Variants in GREM2 observed in about 807,000 individuals in gnomAD.
The protein encoded by GREM2 is gremlin 2, DAN family BMP antagonist, also known as gremlin-2.
Under a neutral mutation model 14.2 loss-of-function variants are expected in GREM2, and 11 were observed. That is an observed-to-expected ratio of 0.78 (90% confidence interval 0.49 to 1.28). GREM2 has a LOEUF of 1.28. Among genes scored for constraint, GREM2 ranks in the 50% most tolerant of loss-of-function variants. The pLI, the probability that GREM2 is intolerant of heterozygous loss-of-function variation, is 0.00. For missense variants in GREM2, 210 were observed against 218.5 expected (o/e 0.96, Z 0.24); for synonymous variants, 98 against 97.6 (o/e 1.00, Z -0.02).
intron 1 of GREM2, among the ~76,000 whole-genome samples, chr1:240,558,833 A>C (rs2103347374): frequency 6.6e-6 from 1 of 152,186 alleles, no homozygotes; most frequent in South Asian, 2.1e-4. Flanking sequence ...ATGATAATAA[A>C]CTCATTACCT....
chr1:240,609,355 G>T (rs372432268), intron 1 of GREM2, among the ~76,000 whole-genome samples: 1 of 151,988 alleles, frequency 6.6e-6, no homozygotes, highest in African/African-American at 2.4e-5. Context: ...CAAGTCATTG[G>T]TCAGTGTTGA....
intron 1 of GREM2, among the ~76,000 whole-genome samples, chr1:240,510,099 G>A (rs1677772178): frequency 6.6e-6 from 1 of 152,136 alleles, no homozygotes; most frequent in African/African-American, 2.4e-5. Flanking sequence ...GCCGGGTGCG[G>A]TGGCTCACGC....
chr1:240,531,591 G>A lies in GREM2; in HGVS notation c.-1-38115C>T, dbSNP rs186784427. 3.8e-4 allele frequency: 357 copies of A among 935,336 alleles called. 2 individuals are homozygous for A. In the African/African-American group the frequency reaches 5.5e-3, roughly 14 times the overall value. The allele number at this position is 935,336 out of a possible 1,614,324, so 57.9% of individuals were successfully genotyped here. On this transcript the variant is annotated intron_variant, in intron 1 of 1. Transcript: ENST00000318160. ...GGAAATTAGGGAACAGAATAGTGGAGTTGGTGTGTGGTTATGTGGCGAGGC... is the reference window on the plus strand; with the variant it reads ...GGAAATTAGGGAACAGAATAGTGGAATTGGTGTGTGGTTATGTGGCGAGGC...
intron 1 of GREM2, among the ~76,000 whole-genome samples, chr1:240,569,158 C>T (rs1395993634): frequency 2.0e-5 from 3 of 152,052 alleles, no homozygotes; most frequent in Non-Finnish European, 4.4e-5. Context: ...TGTACAAATG[C>T]GTACATTAAA....
At chr1:240,588,822 T>C (rs1042828822) in intron 1 of GREM2, 1 of 152,138 alleles carries the variant, frequency 6.6e-6, no homozygotes, top group Admixed American at 6.5e-5. Flanking sequence ...TTTAGTAAGT[T>C]TGTTTCCGGC....
intron 1 of GREM2, chr1:240,531,769 C>A: frequency 1.4e-5 from 11 of 762,210 alleles, no homozygotes; most frequent in Non-Finnish European, 1.8e-5. Context: ...AGAGCAATGG[C>A]GTGATCTCGG....
chr1:240,602,634 T>C (rs1278279999), intron 1 of GREM2, among the ~76,000 whole-genome samples: 1 of 151,388 alleles, frequency 6.6e-6, no homozygotes, highest in African/African-American at 2.4e-5. Context: ...CTGGCCAACA[T>C]GGTGAAACCG....
intron 1 of GREM2, among the ~76,000 whole-genome samples, chr1:240,526,991 C>A: frequency 6.6e-6 from 1 of 152,106 alleles, no homozygotes; most frequent in Non-Finnish European, 1.5e-5. Context: ...CAATACTTAC[C>A]AACAGCAATC....
At chr1:240,521,308 C>T (rs186518226) in intron 1 of GREM2, among the ~76,000 whole-genome samples, 1 of 152,310 alleles carries the variant, frequency 6.6e-6, no homozygotes, top group Admixed American at 6.5e-5. Context: ...GTGGCTCACG[C>T]CTGTAATCCC....
rs1477825526 is a variant in GREM2 at position 240,612,073 on chromosome 1, G to A, written c.-191C>T. 2 of 152,712 alleles carry A rather than the reference G, an allele frequency of 1.3e-5. No homozygotes were observed. Among genetic ancestry groups the A allele is most frequent in the Non-Finnish European group, 2.9e-5 (2 of 68,116 alleles). 9.5% of individuals were successfully genotyped at this position (152,712 alleles called of 1,614,324 possible). ...AGAAGCGCGCCGGCTGAGGGTGCAG[G>A]AGAGGCGAGAGCGCGCCCCGCGCCG... On this transcript the variant is annotated 5_prime_UTR_variant, in exon 1 of 2. Coordinates refer to ENST00000318160, the MANE Select transcript of GREM2 (RefSeq NM_022469.4).
chr1:240,562,945 AGTGT>A (rs1333434293), intron 1 of GREM2, among the ~76,000 whole-genome samples: 3 of 105,734 alleles, frequency 2.8e-5, no homozygotes, highest in African/African-American at 9.4e-5. Context: ...TGAGTGTGTG[AGTGT>A]GTATGTGTGT....
chr1:240,528,986 G>T (rs1217583645), intron 1 of GREM2, among the ~76,000 whole-genome samples: 1 of 152,020 alleles, frequency 6.6e-6, no homozygotes, highest in Admixed American at 6.6e-5. Context: ...AGCCAGAGTC[G>T]CCCTAAGGTG....
rs539631018 is a variant in GREM2, at chr1:240,554,703, C to T, written c.-2+57181G>A. 3.9e-5 allele frequency among the ~76,000 whole-genome samples: 6 copies of T among 152,300 alleles called. No individual in the cohort carries two copies. In the South Asian group the frequency reaches 1.2e-3, roughly 32 times the overall value. On this transcript the variant is annotated intron_variant, in intron 1 of 1. Transcript: ENST00000318160. ...CTGAGATTAAATTTCACAATTTGCA[C>T]AATGGTTTTCATGTATGCTTAACAG...
intron 1 of GREM2, chr1:240,589,192 T>C (rs1023765339): frequency 2.0e-5 from 3 of 152,232 alleles, no homozygotes; most frequent in African/African-American, 7.2e-5. Flanking sequence ...TCCCAGCACT[T>C]TGGGAGGCCG....
intron 1 of GREM2, among the ~76,000 whole-genome samples, chr1:240,535,804 A>AG (rs1678458116): frequency 6.6e-6 from 1 of 151,492 alleles, no homozygotes; most frequent in South Asian, 2.1e-4. Flanking sequence ...ATCGCAAAAA[A>AG]AAAAAAAAGA....
chr1:240,569,754 A>G (rs1185290991), intron 1 of GREM2, among the ~76,000 whole-genome samples: 5 of 152,200 alleles, frequency 3.3e-5, no homozygotes, highest in African/African-American at 1.2e-4. Context: ...CATAAGAAAA[A>G]GAAAGGAAAG....
intron 1 of GREM2, among the ~76,000 whole-genome samples, chr1:240,574,430 A>G (rs565473946): frequency 6.6e-6 from 1 of 152,300 alleles, no homozygotes; most frequent in South Asian, 2.1e-4. Context: ...TATTTATGTG[A>G]TGCAATGAAG....
chr1:240,515,701 C>T (rs368171252), intron 1 of GREM2, among the ~76,000 whole-genome samples: 4 of 152,186 alleles, frequency 2.6e-5, no homozygotes, highest in South Asian at 2.1e-4. Flanking sequence ...AATTTGGTTT[C>T]GTGGGTTTTC....
At chr1:240,596,363 G>A (rs1679817810) in intron 1 of GREM2, among the ~76,000 whole-genome samples, 1 of 152,124 alleles carries the variant, frequency 6.6e-6, no homozygotes, top group Admixed American at 6.5e-5. Flanking sequence ...AATGACTATG[G>A]ACCAAAGGTC....
Sources: allele counts gnomAD v4.1 joint callset (sites outside exome capture counted in the v4.1 genomes callset), GRCh38; gene constraint gnomAD v4.1.1; transcripts MANE v1.5; gene names NCBI Gene and HGNC (gene_info 2026-07-23, HGNC 2026-07-21).